PPFIBP2: variants seen among roughly 807,000 people sequenced by gnomAD.
PPFIBP2 encodes the protein liprin-beta-2.
A neutral mutation model predicts 118.3 loss-of-function variants in PPFIBP2; 118 were observed. The ratio of observed to expected loss-of-function variants is 1.00; its 90% CI spans 0.86 to 1.16. The LOEUF is 1.16. Among genes scored for constraint, PPFIBP2 ranks in the 50% most tolerant of loss-of-function variants. The pLI is 0.00. For missense variants in PPFIBP2, 1,195 were observed against 1,073.1 expected (o/e 1.11, Z -1.59); for synonymous variants, 414 against 397.4 (o/e 1.04, Z -0.50).
chr11:7,545,290 C>T (rs1852207360), intron 1 of PPFIBP2, among the ~76,000 whole-genome samples: 1 of 152,088 alleles, frequency 6.6e-6, no homozygotes. Context: ...ATTAGCTGGG[C>T]GTGGTGGTAC....
rs998630892 is a variant in PPFIBP2 at position 7,631,209 on chromosome 11, T to C, written c.1068+181T>C. 5 of 575,854 alleles carry C rather than the reference T, an allele frequency of 8.7e-6. No homozygotes were observed. In the African/African-American group the frequency reaches 9.3e-5, roughly 11 times the overall value. The allele number at this position is 575,854 out of a possible 1,614,324, so 35.7% of individuals were successfully genotyped here. A position where few individuals can be genotyped will look rare whatever the true frequency, so the allele number is the denominator to read the frequency against. On this transcript the variant is annotated intron_variant, in intron 11 of 23. Transcript: ENST00000299492. The stretch of plus-strand genomic sequence containing the variant: ...CGAGCAAGAGGCTGAGGCTCTGGCC[T>C]GTGCTCTGGTTGGAGGCAGCATGGT...
intron 2 of PPFIBP2, among the ~76,000 whole-genome samples, chr11:7,555,512 A>G (rs1853505632): frequency 1.3e-5 from 2 of 152,124 alleles, no homozygotes; most frequent in South Asian, 4.2e-4. Context: ...TCCTTGACTG[A>G]TCTTGTCCCC....
intron 1 of PPFIBP2, among the ~76,000 whole-genome samples, chr11:7,526,810 G>T (rs1383276596): frequency 6.6e-6 from 1 of 152,140 alleles, no homozygotes; most frequent in East Asian, 1.9e-4. Context: ...AGAGGGGAAA[G>T]GCTCTGAGCA....
At chr11:7,626,860 C>T (rs1850083192) in intron 8 of PPFIBP2, among the ~76,000 whole-genome samples, 1 of 152,240 alleles carries the variant, frequency 6.6e-6, no homozygotes, top group African/African-American at 2.4e-5. Context: ...GCTTGGATCC[C>T]CAGCTGGGGT....
At chr11:7,604,691 A>G (rs968197636) in intron 5 of PPFIBP2, among the ~76,000 whole-genome samples, 6 of 152,192 alleles carry the variant, frequency 3.9e-5, no homozygotes, top group African/African-American at 1.4e-4. Flanking sequence ...TTTCTTTAGA[A>G]TGTCAGAAAT....
At chr11:7,593,355 A>G in intron 4 of PPFIBP2, 131 bp downstream of exon 4, 1 of 1,336,422 alleles carries the variant, frequency 7.5e-7, no homozygotes. Flanking sequence ...GTTTTTAGAA[A>G]AGACTTTTCC....
chr11:7,592,105 GCTCAGATTGTATAATA>G (rs1859427130), intron 3 of PPFIBP2, among the ~76,000 whole-genome samples: 1 of 152,280 alleles, frequency 6.6e-6, no homozygotes, highest in Non-Finnish European at 1.5e-5. Context: ...CACTGGACCA[GCTCAGATTGTATAATA>G]CTCAGTTCCA....
chr11:7,525,528 G>C (rs1156436471), intron 1 of PPFIBP2, among the ~76,000 whole-genome samples: 1 of 152,180 alleles, frequency 6.6e-6, no homozygotes, highest in Non-Finnish European at 1.5e-5. Context: ...CAACCATGGT[G>C]GCGGTGAGCA....
chr11:7,577,651 CT>C (rs1168318876), intron 3 of PPFIBP2: 3 of 455,082 alleles, frequency 6.6e-6, no homozygotes, highest in African/African-American at 6.1e-5. Context: ...AAGTGACTGG[CT>C]GCTTTGTCTG....
Position 7,537,177 on chromosome 11 carries a change from G to A in PPFIBP2, c.-36-12263G>A, listed in dbSNP as rs150618842. Among the ~76,000 whole-genome samples, 666 of 152,308 alleles carry A rather than the reference G, an allele frequency of 4.4e-3. 5 individuals carry two copies. Among genetic ancestry groups the A allele is most frequent in the African/African-American group, 0.015 (621 of 41,560 alleles). Reference sequence around the variant, plus strand: ...GCCATGTTCTAGGGGTGACAGGTGAGAGACCCTTCTCAAGCTGGGGCAGCT... The same window carrying A: ...GCCATGTTCTAGGGGTGACAGGTGAAAGACCCTTCTCAAGCTGGGGCAGCT... On this transcript the variant is annotated intron_variant, in intron 1 of 23. Coordinates refer to ENST00000299492, the MANE Select transcript of PPFIBP2 (RefSeq NM_003621.5).
chr11:7,590,442 G>T (rs575876449), intron 3 of PPFIBP2, among the ~76,000 whole-genome samples: 6 of 152,128 alleles, frequency 3.9e-5, no homozygotes, highest in Non-Finnish European at 8.8e-5. Context: ...TGATTGGGGT[G>T]GGGGAGGGAC....
intron 1 of PPFIBP2, among the ~76,000 whole-genome samples, chr11:7,544,949 C>T (rs1852180750): frequency 1.3e-5 from 2 of 152,100 alleles, no homozygotes; most frequent in South Asian, 2.1e-4. Context: ...GGAGCCCTGG[C>T]TCCCTAGGAG....
At chr11:7,597,063 C>A in intron 4 of PPFIBP2, 1 of 986,608 alleles carries the variant, frequency 1.0e-6, no homozygotes, top group Non-Finnish European at 1.4e-6. Flanking sequence ...ATGCCCTTTA[C>A]AGCCCACATT....
At chr11:7,517,642 C>T (rs182988072) in intron 1 of PPFIBP2, among the ~76,000 whole-genome samples, 3 of 151,874 alleles carry the variant, frequency 2.0e-5, no homozygotes, top group Non-Finnish European at 2.9e-5. Context: ...AGGGGTGGCT[C>T]GGGGTTAGGA....
chr11:7,648,967 A>G, intron 19 of PPFIBP2, 56 bp downstream of exon 19: 1 of 1,506,904 alleles, frequency 6.6e-7, no homozygotes, highest in Non-Finnish European at 9.2e-7. Flanking sequence ...AAGAGTAGAA[A>G]GAATTTTCCT....
chr11:7,600,855 A>T (rs1274104403), intron 5 of PPFIBP2, among the ~76,000 whole-genome samples: 1 of 152,214 alleles, frequency 6.6e-6, no homozygotes, highest in Non-Finnish European at 1.5e-5. Context: ...AGAGTTAAGG[A>T]TCTCTGCTTT....
At chr11:7,554,785 T>TGACTA (rs530273964) in intron 2 of PPFIBP2, among the ~76,000 whole-genome samples, 1,991 of 129,782 alleles carry the variant, frequency 0.015, 38 homozygotes, top group African/African-American at 0.052. Flanking sequence ...GAATCCCAGG[T>TGACTA]GACTAGACTA....
At chr11:7,559,244 C>T (rs1854019659) in intron 2 of PPFIBP2, among the ~76,000 whole-genome samples, 1 of 152,314 alleles carries the variant, frequency 6.6e-6, no homozygotes, top group Non-Finnish European at 1.5e-5. Context: ...TATATTTAGG[C>T]ATATCCAGCA....
intron 17 of PPFIBP2, among the ~76,000 whole-genome samples, chr11:7,646,099 T>A (rs1197047621): frequency 6.6e-6 from 1 of 152,208 alleles, no homozygotes; most frequent in Admixed American, 6.5e-5. Context: ...TGAGTAGCCC[T>A]CTAGATTGTT....
Sources: gnomAD v4.1 joint callset for allele counts (sites outside exome capture counted in the v4.1 genomes callset) on GRCh38, gnomAD v4.1.1 for gene constraint, MANE v1.5 for transcripts, NCBI Gene and HGNC (gene_info 2026-07-23, HGNC 2026-07-21) for gene names.